Variants in AHCTF1 observed in about 807,000 individuals in gnomAD.
AHCTF1 encodes the protein AT-hook containing transcription factor 1.
A neutral mutation model predicts 248.4 loss-of-function variants in AHCTF1; 24 were observed. The observed-to-expected ratio is 0.10, with a 90% CI of 0.07 to 0.14. The LOEUF (loss-of-function observed/expected upper bound fraction) is 0.14. AHCTF1 is among the 10% of genes least tolerant of loss of function. The pLI is 1.00. For missense variants in AHCTF1, 2,206 were observed against 2,636.2 expected (o/e 0.84, Z 3.57); for synonymous variants, 786 against 929.8 (o/e 0.85, Z 2.81).
At chr1:246,915,842 T>C (rs948138132) in intron 3 of AHCTF1, among the ~76,000 whole-genome samples, 1 of 152,212 alleles carries the variant, frequency 6.6e-6, no homozygotes, top group African/African-American at 2.4e-5. Context: ...AGAACAAGAT[T>C]TAGATGATAC....
At chr1:246,929,786 G>C (rs913158214) in intron 1 of AHCTF1, among the ~76,000 whole-genome samples, 3 of 152,342 alleles carry the variant, frequency 2.0e-5, no homozygotes, top group African/African-American at 4.8e-5. Context: ...GGGCGCGGTG[G>C]CTCACGCCTG....
intron 24 of AHCTF1, among the ~76,000 whole-genome samples, chr1:246,870,985 A>G (rs930584691): frequency 1.3e-5 from 2 of 152,212 alleles, no homozygotes; most frequent in African/African-American, 4.8e-5. Context: ...AAAACAACCA[A>G]GCAAACAAAA....
Position 246,909,375 on chromosome 1 carries a change from C to T in AHCTF1, c.557-1617G>A, listed in dbSNP as rs74473498. Among the ~76,000 whole-genome samples the T allele has an allele frequency of 9.1e-3, 1,226 of 134,572 alleles. 12 individuals carry two copies. The highest frequency in any genetic ancestry group is 0.046 in the East Asian group (211 of 4,590). The allele number at this position is 134,572 out of a possible 152,430, so 88.3% of individuals were successfully genotyped here. On this transcript the variant is annotated intron_variant, in intron 4 of 35. Transcript: ENST00000648844. Reference sequence around the variant, plus strand: ...GAGGTTGCAGTGAGCCGAGATTGCGCCACTGCACTCCAGCCTCTCAAAAAA... The same window carrying T: ...GAGGTTGCAGTGAGCCGAGATTGCGTCACTGCACTCCAGCCTCTCAAAAAA...
intron 21 of AHCTF1, 81 bp downstream of exon 21, chr1:246,885,412 A>G: frequency 1.6e-6 from 2 of 1,212,328 alleles, no homozygotes; most frequent in Non-Finnish European, 2.3e-6. Flanking sequence ...GGCCAATTGT[A>G]TATTGCCACT....
intron 3 of AHCTF1, 109 bp downstream of exon 3, chr1:246,916,033 A>G: frequency 1.6e-6 from 2 of 1,282,320 alleles, no homozygotes; most frequent in Non-Finnish European, 2.1e-6. Context: ...AAAGTATACA[A>G]ATTGTAAATG....
chr1:246,850,435 A>G lies in AHCTF1; in HGVS notation c.5571T>C (p.Thr1857=). Residue 1857 remains threonine, a synonymous_variant, in exon 33 of 36, where the codon ACT becomes ACC. Coordinates refer to ENST00000648844, the MANE Select transcript of AHCTF1 (RefSeq NM_001323342.2). The part of the protein sequence containing the change: ...SQLLEPAVEE[T]TKKEVKVSSV... The stretch of plus-strand genomic sequence containing the variant: ...ATGAAACCTTAACTTCTTTTTTAGT[A>G]GTTTCTTCAACTGCTGGTTCCAACA... 6.3e-7 allele frequency: 1 copy of G among 1,595,820 alleles called. No individual in the cohort carries two copies. The highest frequency in any genetic ancestry group is 8.5e-7 in the Non-Finnish European group (1 of 1,174,468).
At chr1:246,912,455 C>G (rs985021520) in intron 4 of AHCTF1, among the ~76,000 whole-genome samples, 9 of 151,848 alleles carry the variant, frequency 5.9e-5, no homozygotes, top group African/African-American at 1.7e-4. Flanking sequence ...TGCACTCCAG[C>G]CTGGCAACAG....
intron 8 of AHCTF1, among the ~76,000 whole-genome samples, chr1:246,901,994 C>T (rs557329819): frequency 6.6e-6 from 1 of 152,280 alleles, no homozygotes; most frequent in East Asian, 1.9e-4. Context: ...TTAATCCTCA[C>T]AACTACCCTT....
chr1:246,914,663 C>T (rs574146068), intron 3 of AHCTF1, among the ~76,000 whole-genome samples: 76 of 152,206 alleles, frequency 5.0e-4, no homozygotes, highest in Middle Eastern at 3.4e-3. Context: ...CAAAAATAAA[C>T]ATAATGAGTG....
In AHCTF1 at chr1:246,839,556, G is replaced by C. The variant is rs1659697441; in HGVS notation, c.*1250C>G. 6.1e-6 allele frequency: 6 copies of C among 985,832 alleles called. No homozygotes were observed. The highest frequency in any genetic ancestry group is 7.2e-6 in the Non-Finnish European group (6 of 829,922). The allele number at this position is 985,832 out of a possible 1,614,324, so 61.1% of individuals were successfully genotyped here. ...CTGACTAAAAGGCCGCACTCGCACT[G>C]CTTTCACACTGTCAACACTTTGCGT... On this transcript the variant is annotated 3_prime_UTR_variant, in exon 36 of 36. Coordinates refer to ENST00000648844, the MANE Select transcript of AHCTF1 (RefSeq NM_001323342.2).
chr1:246,912,196 T>A (rs921703049), intron 4 of AHCTF1, among the ~76,000 whole-genome samples: 1 of 151,962 alleles, frequency 6.6e-6, no homozygotes, highest in South Asian at 2.1e-4. Context: ...ATCAAGAATG[T>A]GCCGGGTGTG....
At chr1:246,871,544 C>G (rs1027481763) in intron 24 of AHCTF1, among the ~76,000 whole-genome samples, 1 of 152,064 alleles carries the variant, frequency 6.6e-6, no homozygotes, top group African/African-American at 2.4e-5. Context: ...AGAAAGGGGC[C>G]CAGAAAAACA....
chr1:246,842,136 A>G (rs553268887), intron 35 of AHCTF1, among the ~76,000 whole-genome samples: 137 of 152,008 alleles, frequency 9.0e-4, no homozygotes, highest in Non-Finnish European at 1.6e-3. Context: ...TGCTATTAAT[A>G]TATAAAGAAA....
chr1:246,897,557 A>AT (rs1664672576), intron 12 of AHCTF1, among the ~76,000 whole-genome samples: 1 of 152,224 alleles, frequency 6.6e-6, no homozygotes, highest in Non-Finnish European at 1.5e-5. Flanking sequence ...AGTCAACTAC[A>AT]TATCAAGGCT....
At chr1:246,895,297 A>G (rs1377930084) in intron 13 of AHCTF1, among the ~76,000 whole-genome samples, 1 of 152,226 alleles carries the variant, frequency 6.6e-6, no homozygotes, top group Non-Finnish European at 1.5e-5. Flanking sequence ...CCTTATTCTT[A>G]GAAGCAGCAA....
chr1:246,924,875 A>C (rs1355449136), intron 1 of AHCTF1, among the ~76,000 whole-genome samples: 1 of 150,300 alleles, frequency 6.7e-6, no homozygotes, highest in Non-Finnish European at 1.5e-5. Context: ...AAAGGTGTGC[A>C]TCAATAGGAA....
At chr1:246,889,881 T>G in intron 17 of AHCTF1, 85 bp downstream of exon 17, 1 of 958,410 alleles carries the variant, frequency 1.0e-6, no homozygotes, top group South Asian at 1.6e-5. Context: ...ATTCTACCCA[T>G]TTAATCACTT....
intron 7 of AHCTF1, 97 bp from the exon 8 acceptor site, chr1:246,902,772 A>G: frequency 3.3e-6 from 4 of 1,196,522 alleles, no homozygotes; most frequent in Non-Finnish European, 4.5e-6. Flanking sequence ...TTCACACAAT[A>G]CAAAGAAAAC....
At chr1:246,842,030 T>G (rs1659904031) in intron 35 of AHCTF1, among the ~76,000 whole-genome samples, 1 of 150,694 alleles carries the variant, frequency 6.6e-6, no homozygotes, top group African/African-American at 2.4e-5. Flanking sequence ...TCCTGACTCG[T>G]GATCCACCCA....
Sources: allele counts gnomAD v4.1 joint callset (sites outside exome capture counted in the v4.1 genomes callset), GRCh38; gene constraint gnomAD v4.1.1; transcripts MANE v1.5; gene names NCBI Gene and HGNC (gene_info 2026-07-23, HGNC 2026-07-21).